The following CCDC192 variants were observed in gnomAD, a reference collection of about 807,000 sequenced individuals.
The protein encoded by CCDC192 is coiled-coil domain-containing protein 192.
intron 6 of CCDC192, among the ~76,000 whole-genome samples, chr5:127,896,515 C>T (rs1752892490): frequency 6.6e-6 from 1 of 151,942 alleles, no homozygotes; most frequent in Admixed American, 6.6e-5. Flanking sequence ...CTCACCACAA[C>T]CTCTGCCTCC....
intron 3 of CCDC192, among the ~76,000 whole-genome samples, chr5:127,764,941 T>G (rs1185466306): frequency 1.3e-5 from 2 of 152,190 alleles, no homozygotes; most frequent in African/African-American, 4.8e-5. Flanking sequence ...GAAGACCATG[T>G]GTTTTGTGTA....
intron 3 of CCDC192, among the ~76,000 whole-genome samples, chr5:127,782,996 G>GT (rs1561485874): frequency 1.2e-4 from 18 of 147,380 alleles, no homozygotes; most frequent in Non-Finnish European, 2.1e-4. Context: ...TTAGAGGTGG[G>GT]GTTTTTTTTT....
chr5:127,819,820 T>C (rs1234000615), intron 5 of CCDC192, among the ~76,000 whole-genome samples: 2 of 152,210 alleles, frequency 1.3e-5, no homozygotes, highest in East Asian at 3.9e-4. Flanking sequence ...TTTGTCATAC[T>C]TTAGGCAGAA....
intron 5 of CCDC192, among the ~76,000 whole-genome samples, chr5:127,855,111 G>T (rs550621377): frequency 6.6e-6 from 1 of 152,172 alleles, no homozygotes; most frequent in Non-Finnish European, 1.5e-5. Flanking sequence ...GGTGGTGGTG[G>T]TGGTGGATGT....
chr5:127,921,843 A>G (rs1753731115), intron 6 of CCDC192, among the ~76,000 whole-genome samples: 1 of 152,172 alleles, frequency 6.6e-6, no homozygotes, highest in African/African-American at 2.4e-5. Flanking sequence ...GCCCGAGAGT[A>G]TATCTTAGAA....
chr5:127,845,097 C>A lies in CCDC192; in HGVS notation c.412-30441C>A, dbSNP rs1478153901. Reference sequence around the variant, plus strand: ...GAGCTGGATGGACTTGAAAAAGCAGCATTTGGAATAAAACTAGTAAATACC... The same window carrying A: ...GAGCTGGATGGACTTGAAAAAGCAGAATTTGGAATAAAACTAGTAAATACC... On this transcript the variant is annotated intron_variant, in intron 5 of 6. Coordinates refer to ENST00000514853, the MANE Select transcript of CCDC192 (RefSeq NM_001317938.2). Among the ~76,000 whole-genome samples the A allele has an allele frequency of 5.3e-5, 8 of 152,162 alleles. 1 individual carries two copies. Among genetic ancestry groups the A allele is most frequent in the Admixed American group, 5.2e-4 (8 of 15,278 alleles).
At chr5:127,839,701 C>T (rs1437543856) in intron 5 of CCDC192, among the ~76,000 whole-genome samples, 1 of 152,072 alleles carries the variant, frequency 6.6e-6, no homozygotes. Context: ...TGTACAGCCT[C>T]GTGACCTTAG....
intron 3 of CCDC192, among the ~76,000 whole-genome samples, chr5:127,759,835 T>G (rs1014293523): frequency 6.6e-5 from 10 of 152,236 alleles, no homozygotes; most frequent in Non-Finnish European, 7.3e-5. Context: ...CAGTTTTCTC[T>G]TCTACTCTTT....
intron 5 of CCDC192, among the ~76,000 whole-genome samples, chr5:127,832,086 A>G (rs1749823724): frequency 6.6e-6 from 1 of 152,176 alleles, no homozygotes; most frequent in Non-Finnish European, 1.5e-5. Flanking sequence ...TAGAAAAATA[A>G]CCAAAGTTAT....
chr5:127,918,216 T>TAAAAAAACAAAAAAAAAA (rs1753584329), intron 6 of CCDC192, among the ~76,000 whole-genome samples: 1 of 100,420 alleles, frequency 1.0e-5, no homozygotes, highest in African/African-American at 4.5e-5. Context: ...CTTCAATTTG[T>TAAAAAAACAAAAAAAAAA]AAAAAAAAAA....
chr5:127,765,792 G>A (rs1755189808), intron 3 of CCDC192, among the ~76,000 whole-genome samples: 1 of 152,190 alleles, frequency 6.6e-6, no homozygotes, highest in African/African-American at 2.4e-5. Flanking sequence ...TCACTGAACA[G>A]AAAATGTCCT....
intron 5 of CCDC192, among the ~76,000 whole-genome samples, chr5:127,848,243 C>T (rs1209177385): frequency 6.6e-6 from 1 of 152,136 alleles, no homozygotes; most frequent in Non-Finnish European, 1.5e-5. Flanking sequence ...TTCACGTGGT[C>T]ACACAGGCTC....
chr5:127,882,472 G>A (rs973146967), intron 6 of CCDC192, among the ~76,000 whole-genome samples: 3 of 152,104 alleles, frequency 2.0e-5, no homozygotes, highest in African/African-American at 7.2e-5. Flanking sequence ...ATGGCAACTA[G>A]GTGTTAGGAA....
At chr5:127,926,050 CG>C in intron 6 of CCDC192, among the ~76,000 whole-genome samples, 1 of 152,128 alleles carries the variant, frequency 6.6e-6, no homozygotes, top group Non-Finnish European at 1.5e-5. Flanking sequence ...GGAAATGGGG[CG>C]TGCAGAAATT....
At chr5:127,763,207 CTCTCCA>C (rs1755025253) in intron 3 of CCDC192, among the ~76,000 whole-genome samples, 1 of 152,140 alleles carries the variant, frequency 6.6e-6, no homozygotes, top group South Asian at 2.1e-4. Context: ...ACAACTCAAG[CTCTCCA>C]TCTCCATCTC....
At chr5:127,907,677 T>A (rs1243372886) in intron 6 of CCDC192, among the ~76,000 whole-genome samples, 1 of 152,212 alleles carries the variant, frequency 6.6e-6, no homozygotes, top group African/African-American at 2.4e-5. Context: ...GGGTTTAAAT[T>A]TTCATTATAT....
intron 5 of CCDC192, among the ~76,000 whole-genome samples, chr5:127,821,661 C>T (rs1219992474): frequency 6.6e-6 from 1 of 152,284 alleles, no homozygotes; most frequent in Admixed American, 6.5e-5. Context: ...TGTCCCTGGC[C>T]TCTGGAATTC....
rs971130660 is a variant in CCDC192, at chr5:127,797,664, T to G, written c.354+430T>G. Among the ~76,000 whole-genome samples the G allele has an allele frequency of 6.7e-5, 10 of 149,476 alleles. 1 individual carries two copies. The Admixed American group carries it at 6.7e-4, about 10-fold the overall frequency. ...GAGCATTAAAATATATATCATTATGTAAATTTACCTCTTGTTCAATCCAAA... is the reference window on the plus strand; with the variant it reads ...GAGCATTAAAATATATATCATTATGGAAATTTACCTCTTGTTCAATCCAAA... On this transcript the variant is annotated intron_variant, in intron 4 of 6. Transcript: ENST00000514853.
intron 6 of CCDC192, among the ~76,000 whole-genome samples, chr5:127,936,538 C>T (rs1754190659): frequency 6.6e-6 from 1 of 152,178 alleles, no homozygotes; most frequent in Non-Finnish European, 1.5e-5. Context: ...GAGAACTGTA[C>T]ACCATCATTC....
Sources: allele counts gnomAD v4.1 joint callset (sites outside exome capture counted in the v4.1 genomes callset), GRCh38; gene constraint gnomAD v4.1.1; transcripts MANE v1.5; gene names NCBI Gene and HGNC (gene_info 2026-07-23, HGNC 2026-07-21).